Variants in EXOC4 observed in about 807,000 individuals in gnomAD.
EXOC4 encodes the protein SEC8-like 1.
A neutral mutation model predicts 107.2 loss-of-function variants in EXOC4; 71 were observed. The observed-to-expected ratio is 0.66, with a 90% CI of 0.55 to 0.81. The LOEUF is 0.81. EXOC4 is among the 30% of genes least tolerant of loss of function. EXOC4 has a pLI of 0.00. For missense variants in EXOC4, 1,108 were observed against 1,189.6 expected (o/e 0.93, Z 1.01); for synonymous variants, 456 against 441.2 (o/e 1.03, Z -0.42).
At chr7:133,641,054 G>C (rs754286919) in intron 10 of EXOC4, among the ~76,000 whole-genome samples, 2 of 152,084 alleles carry the variant, frequency 1.3e-5, no homozygotes, top group Non-Finnish European at 2.9e-5. Flanking sequence ...CTAGTTTTTG[G>C]AGACAGTAAA....
At chr7:133,896,916 G>A (rs1799328835) in intron 12 of EXOC4, among the ~76,000 whole-genome samples, 1 of 106,572 alleles carries the variant, frequency 9.4e-6, no homozygotes, top group South Asian at 3.6e-4. Context: ...GCCCACCTCG[G>A]TCTCCCAAAG....
At chr7:133,612,832 G>A (rs1425584056) in intron 9 of EXOC4, among the ~76,000 whole-genome samples, 2 of 152,154 alleles carry the variant, frequency 1.3e-5, no homozygotes, top group African/African-American at 4.8e-5. Context: ...GAGTGAAGAT[G>A]ACTCCAAAGT....
chr7:134,069,644 A>T (rs1015051118), downstream of EXOC4, among the ~76,000 whole-genome samples: 9 of 152,078 alleles, frequency 5.9e-5, no homozygotes, highest in Non-Finnish European at 1.3e-4. Flanking sequence ...ACTACAGACC[A>T]TGCCCAGATA....
rs78326718 is a variant in EXOC4 at position 133,366,470 on chromosome 7, A to T, written c.1008-8358A>T. ...TGTTACTTTTCTGTTTTTTAAATAT[A>T]AAATAGATTTTATTGCCATATTATT... is the stretch of plus-strand genomic sequence containing the variant. On this transcript the variant is annotated intron_variant, in intron 6 of 17. Transcript: ENST00000253861. Among the ~76,000 whole-genome samples, 466 of 152,350 alleles carry T rather than the reference A, an allele frequency of 3.1e-3. 3 individuals are homozygous for T. The highest frequency in any genetic ancestry group is 0.011 in the African/African-American group (446 of 41,586).
At chr7:133,512,705 A>T (rs1421432929) in intron 9 of EXOC4, among the ~76,000 whole-genome samples, 1 of 152,210 alleles carries the variant, frequency 6.6e-6, no homozygotes, top group Non-Finnish European at 1.5e-5. Flanking sequence ...AACTGAGCTT[A>T]GGTCATTCTG....
intron 10 of EXOC4, among the ~76,000 whole-genome samples, chr7:133,694,148 C>A (rs1315602846): frequency 6.6e-6 from 1 of 151,448 alleles, no homozygotes; most frequent in Non-Finnish European, 1.5e-5. Flanking sequence ...GTAGTCCCAG[C>A]TACTTGGGAG....
At chr7:134,054,960 A>C (rs1795888423) in intron 17 of EXOC4, among the ~76,000 whole-genome samples, 1 of 152,100 alleles carries the variant, frequency 6.6e-6, no homozygotes, top group South Asian at 2.1e-4. Flanking sequence ...ATGTCCTTGA[A>C]TTTCAGGTGG....
chr7:133,770,075 T>C (rs1796214732), intron 10 of EXOC4, among the ~76,000 whole-genome samples: 1 of 27,188 alleles, frequency 3.7e-5, no homozygotes, highest in African/African-American at 1.1e-4. Flanking sequence ...ACATGTGGAA[T>C]GTCACTTTGA....
chr7:133,489,023 C>G (rs1308481185), intron 9 of EXOC4, among the ~76,000 whole-genome samples: 1 of 144,624 alleles, frequency 6.9e-6, no homozygotes, highest in African/African-American at 2.5e-5. Context: ...TATATAATAT[C>G]TAATATATTT....
At chr7:133,990,588 T>G (rs1794229537) in intron 14 of EXOC4, among the ~76,000 whole-genome samples, 1 of 152,244 alleles carries the variant, frequency 6.6e-6, no homozygotes, top group Admixed American at 6.5e-5. Context: ...CCTGAGTAGC[T>G]AGGATTACAG....
At chr7:133,882,202 C>T (rs1027963740) in intron 11 of EXOC4, among the ~76,000 whole-genome samples, 1 of 152,188 alleles carries the variant, frequency 6.6e-6, no homozygotes, top group Non-Finnish European at 1.5e-5. Context: ...TTTTTCATTG[C>T]TCTGTAGTAT....
At chr7:133,860,084 T>G (rs1325336891) in intron 11 of EXOC4, among the ~76,000 whole-genome samples, 1 of 152,182 alleles carries the variant, frequency 6.6e-6, no homozygotes, top group Non-Finnish European at 1.5e-5. Context: ...ATTCAACCTA[T>G]GCAGTTTTGT....
chr7:133,612,830 A>T (rs192411046), intron 9 of EXOC4, among the ~76,000 whole-genome samples: 2 of 152,284 alleles, frequency 1.3e-5, no homozygotes, highest in Admixed American at 6.5e-5. Context: ...AAGAGTGAAG[A>T]TGACTCCAAA....
chr7:133,529,873 A>G (rs943092957), intron 9 of EXOC4, among the ~76,000 whole-genome samples: 1 of 152,142 alleles, frequency 6.6e-6, no homozygotes, highest in South Asian at 2.1e-4. Flanking sequence ...ATAGGCAGGG[A>G]TGTTCAGGAA....
At chr7:134,073,232 A>AAAAAAAAAAAAAAC in the EXOC4 span, among the ~76,000 whole-genome samples, 1 of 10,714 alleles carries the variant, frequency 9.3e-5, no homozygotes, top group Admixed American at 1.8e-3. Flanking sequence ...AAAAAAAAAA[A>AAAAAAAAAAAAAAC]CAACAAAGAA....
At chr7:133,318,310 G>A (rs1190767573) in intron 5 of EXOC4, among the ~76,000 whole-genome samples, 1 of 152,206 alleles carries the variant, frequency 6.6e-6, no homozygotes, top group Non-Finnish European at 1.5e-5. Flanking sequence ...TACTTTGGAT[G>A]CAAAGATTTA....
intron 7 of EXOC4, among the ~76,000 whole-genome samples, chr7:133,469,931 A>G (rs775564987): frequency 1.7e-4 from 26 of 152,212 alleles, no homozygotes; most frequent in Non-Finnish European, 3.2e-4. Flanking sequence ...GTATTCCCCA[A>G]CACATTCCTG....
At chr7:133,912,184 A>T (rs949027654) in intron 12 of EXOC4, among the ~76,000 whole-genome samples, 2 of 152,184 alleles carry the variant, frequency 1.3e-5, no homozygotes, top group African/African-American at 4.8e-5. Flanking sequence ...TTGGGAAGTT[A>T]TGGATAAGTG....
At chr7:133,861,455 G>A (rs756686864) in intron 11 of EXOC4, among the ~76,000 whole-genome samples, 1 of 152,086 alleles carries the variant, frequency 6.6e-6, no homozygotes, top group Non-Finnish European at 1.5e-5. Context: ...AACAAAAACG[G>A]AAACTCCTGG....
Sources: gnomAD v4.1 joint callset for allele counts (sites outside exome capture counted in the v4.1 genomes callset) on GRCh38, gnomAD v4.1.1 for gene constraint, MANE v1.5 for transcripts, NCBI Gene and HGNC (gene_info 2026-07-23, HGNC 2026-07-21) for gene names.